Variants in MECOM observed in about 807,000 individuals in gnomAD.
The protein encoded by MECOM is histone-lysine N-methyltransferase MECOM.
Under a neutral mutation model 116.3 loss-of-function variants are expected in MECOM, and 13 were observed. The ratio of observed to expected loss-of-function variants is 0.11; its 90% CI spans 0.07 to 0.18. The LOEUF is 0.18. Ranked by LOEUF, MECOM falls within the 10% of genes least tolerant of loss-of-function variation. The pLI is 1.00. For synonymous variants in MECOM, 528 were observed against 535.2 expected (o/e 0.99, Z 0.19); for missense variants, 1,299 against 1,509.0 (o/e 0.86, Z 2.31).
Position 169,145,630 on chromosome 3 carries a change from C to T in MECOM, c.376-1798G>A, listed in dbSNP as rs555726492. ...AGAATAAAGCCAGTGAAATGCAATA[C>T]TAATTCCATTTCATATTTGCAGAGA... On this transcript the variant is annotated intron_variant, in intron 2 of 16. Transcript: ENST00000651503. The T allele has an allele frequency of 1.2e-4, 27 of 224,982 alleles. No individual in the cohort carries two copies. In the South Asian group the frequency reaches 1.3e-3, roughly 11 times the overall value. The allele number at this position is 224,982 out of a possible 1,614,324, so 13.9% of individuals were successfully genotyped here.
intron 2 of MECOM, among the ~76,000 whole-genome samples, chr3:169,336,596 T>A (rs965658289): frequency 2.6e-5 from 4 of 152,126 alleles, no homozygotes. Context: ...ACACTGTATT[T>A]CTTCCTTAAA....
chr3:169,395,049 T>C (rs1181693865), intron 1 of MECOM, among the ~76,000 whole-genome samples: 6 of 152,172 alleles, frequency 3.9e-5, no homozygotes, highest in Non-Finnish European at 8.8e-5. Context: ...CAAATATATA[T>C]ACAAAACAAA....
intron 1 of MECOM, among the ~76,000 whole-genome samples, chr3:169,600,417 T>C (rs938911334): frequency 6.6e-5 from 10 of 152,114 alleles, no homozygotes; most frequent in Admixed American, 4.6e-4. Context: ...AGTTTAAATA[T>C]ATAATAGGAA....
At position 169,087,567 on chromosome 3, in the gene MECOM, A is replaced by G. The variant is rs1718224547; in HGVS notation, c.3585+1433T>C. Among the ~76,000 whole-genome samples the G allele has an allele frequency of 1.3e-5, 2 of 152,174 alleles. 1 individual carries two copies. Among genetic ancestry groups the G allele is most frequent in the South Asian group, 4.1e-4 (2 of 4,830 alleles). ...AGCCGTGATTGCACCACTGCACTCC[A>G]GTCTTAGCAGCTGAGTGAGACCCTG... is the stretch of plus-strand genomic sequence containing the variant. On this transcript the variant is annotated intron_variant, in intron 16 of 16. Coordinates refer to ENST00000651503, the MANE Select transcript of MECOM (RefSeq NM_004991.4).
chr3:169,522,135 C>T (rs1200828195), intron 1 of MECOM, among the ~76,000 whole-genome samples: 1 of 152,162 alleles, frequency 6.6e-6, no homozygotes, highest in Non-Finnish European at 1.5e-5. Flanking sequence ...AGTAAAACTT[C>T]TAGCATTTCC....
chr3:169,388,842 T>C (rs1273023360), intron 1 of MECOM, among the ~76,000 whole-genome samples: 5 of 152,202 alleles, frequency 3.3e-5, no homozygotes, highest in African/African-American at 9.7e-5. Flanking sequence ...TTTTAGTATT[T>C]GCTACTTCAT....
intron 3 of MECOM, chr3:169,132,057 T>A (rs1577088360): frequency 1.1e-6 from 1 of 875,246 alleles, no homozygotes; most frequent in East Asian, 1.2e-4. Flanking sequence ...GAGTATTTTG[T>A]TTTTCAAAAC....
intron 2 of MECOM, among the ~76,000 whole-genome samples, chr3:169,170,173 G>A (rs1302735663): frequency 1.3e-5 from 2 of 152,044 alleles, no homozygotes; most frequent in African/African-American, 2.4e-5. Flanking sequence ...AGCACTTTGG[G>A]AGGCCAAGGC....
chr3:169,343,913 TTTGCTTTAAACTTA>T (rs1724954734), intron 2 of MECOM, among the ~76,000 whole-genome samples: 6 of 152,126 alleles, frequency 3.9e-5, no homozygotes, highest in Admixed American at 3.9e-4. Flanking sequence ...CCAACAAACT[TTTGCTTTAAACTTA>T]CCAAAGGAGA....
At chr3:169,202,819 C>CAAA (rs11287862) in intron 2 of MECOM, among the ~76,000 whole-genome samples, 125 of 90,028 alleles carry the variant, frequency 1.4e-3, no homozygotes, top group East Asian at 2.2e-3. Context: ...TTGCCATTAG[C>CAAA]AAAAAAAAAA....
intron 2 of MECOM, among the ~76,000 whole-genome samples, chr3:169,175,644 C>T (rs1034823722): frequency 3.3e-5 from 5 of 152,162 alleles, no homozygotes; most frequent in African/African-American, 9.7e-5. Context: ...GGAAAGGTCC[C>T]AGCAGCAGAA....
intron 1 of MECOM, among the ~76,000 whole-genome samples, chr3:169,419,252 A>G (rs1387799788): frequency 6.6e-6 from 1 of 152,230 alleles, no homozygotes; most frequent in Non-Finnish European, 1.5e-5. Context: ...AGAGGACACA[A>G]ACAAATGGAA....
chr3:169,661,963 T>C (rs757833107), intron 1 of MECOM, among the ~76,000 whole-genome samples: 2 of 152,224 alleles, frequency 1.3e-5, no homozygotes, highest in Non-Finnish European at 2.9e-5. Context: ...GCCCCGCCTA[T>C]TGACACCTCA....
chr3:169,258,819 A>G (rs1018500110), intron 2 of MECOM, among the ~76,000 whole-genome samples: 6 of 152,224 alleles, frequency 3.9e-5, no homozygotes, highest in African/African-American at 1.4e-4. Flanking sequence ...ACTTGGAGGT[A>G]TTTAAGGTTA....
intron 2 of MECOM, chr3:169,147,784 G>T: frequency 1.0e-6 from 1 of 960,042 alleles, no homozygotes; most frequent in Non-Finnish European, 1.2e-6. Context: ...GAGAGATGGG[G>T]GATGGGAGGG....
intron 1 of MECOM, among the ~76,000 whole-genome samples, chr3:169,536,188 T>C (rs1237172268): frequency 2.6e-5 from 4 of 152,028 alleles, no homozygotes. Context: ...TTTCCAGAGG[T>C]AGGACAAACC....
At chr3:169,265,915 G>T (rs1047307875) in intron 2 of MECOM, among the ~76,000 whole-genome samples, 1 of 152,062 alleles carries the variant, frequency 6.6e-6, no homozygotes, top group African/African-American at 2.4e-5. Context: ...TTTACTCAGG[G>T]GACAGAGTAA....
At chr3:169,166,159 G>C (rs910470481) in intron 2 of MECOM, among the ~76,000 whole-genome samples, 1 of 152,144 alleles carries the variant, frequency 6.6e-6, no homozygotes, top group Non-Finnish European at 1.5e-5. Context: ...GTTGCTGACA[G>C]AATTTATTCT....
At chr3:169,205,164 C>T (rs1417978000) in intron 2 of MECOM, among the ~76,000 whole-genome samples, 1 of 152,128 alleles carries the variant, frequency 6.6e-6, no homozygotes, top group Non-Finnish European at 1.5e-5. Flanking sequence ...TAAGACCTTA[C>T]ATGCCAAGTC....
Sources: gnomAD v4.1 joint callset for allele counts (sites outside exome capture counted in the v4.1 genomes callset) on GRCh38, gnomAD v4.1.1 for gene constraint, MANE v1.5 for transcripts, NCBI Gene and HGNC (gene_info 2026-07-23, HGNC 2026-07-21) for gene names.